Variants in HINT3 observed in about 807,000 individuals in gnomAD.
The protein encoded by HINT3 is adenosine 5'-monophosphoramidase HINT3.
In HINT3, 16 loss-of-function variants were observed where a neutral mutation model predicts 19.1. The ratio of observed to expected loss-of-function variants is 0.84; its 90% confidence interval spans 0.57 to 1.27. The LOEUF is 1.27. HINT3 is among the 50% of genes most tolerant of loss of function. The pLI, the probability that HINT3 is intolerant of heterozygous loss-of-function variation, is 0.00. For missense variants in HINT3, 197 were observed against 225.8 expected, an observed-to-expected ratio of 0.87 and a Z score of 0.82; for synonymous variants, 75 against 84.8, an observed-to-expected ratio of 0.88 and a Z score of 0.63.
At chr6:125,966,774 G>A in intron 1 of HINT3, 113 bp from the exon 2 acceptor site, 3 of 647,062 alleles carry the variant, frequency 4.6e-6, no homozygotes, top group Non-Finnish European at 7.8e-6. Flanking sequence ...GGGGTTAGGT[G>A]TAACATAAGT....
At chr6:125,963,343 G>A (rs1297908427) in intron 1 of HINT3, among the ~76,000 whole-genome samples, 1 of 152,182 alleles carries the variant, frequency 6.6e-6, no homozygotes, top group African/African-American at 2.4e-5. Context: ...TTGCTAGATG[G>A]ATGATAACAG....
intron 1 of HINT3, among the ~76,000 whole-genome samples, chr6:125,960,149 GGA>G (rs1288368716): frequency 1.3e-5 from 2 of 152,200 alleles, no homozygotes; most frequent in African/African-American, 4.8e-5. Context: ...GTGAAGGCTA[GGA>G]GAGAGAATTA....
At chr6:125,976,994 A>T (rs562688821) in intron 4 of HINT3, among the ~76,000 whole-genome samples, 2 of 152,294 alleles carry the variant, frequency 1.3e-5, no homozygotes, top group East Asian at 3.9e-4. Flanking sequence ...CCACATGTAC[A>T]GTTTCCTCAC....
At chr6:125,957,268 C>A in intron 1 of HINT3, 90 bp downstream of exon 1, 1 of 1,328,714 alleles carries the variant, frequency 7.5e-7, no homozygotes, top group Non-Finnish European at 1.0e-6. Context: ...GGAGCGGGTG[C>A]AGAGGATCCC....
intron 4 of HINT3, 144 bp from the exon 5 acceptor site, chr6:125,977,500 T>C: frequency 2.4e-6 from 1 of 411,112 alleles, no homozygotes. Flanking sequence ...GATATTATAC[T>C]GAGTTTTTTT....
chr6:125,963,499 A>G (rs1788974346), intron 1 of HINT3, among the ~76,000 whole-genome samples: 1 of 152,146 alleles, frequency 6.6e-6, no homozygotes, highest in Non-Finnish European at 1.5e-5. Flanking sequence ...TTTCAGATTT[A>G]AAGAAATCTG....
At chr6:125,964,267 G>A (rs1056799640) in intron 1 of HINT3, among the ~76,000 whole-genome samples, 1 of 151,886 alleles carries the variant, frequency 6.6e-6, no homozygotes, top group Non-Finnish European at 1.5e-5. Flanking sequence ...TTATTTTTAG[G>A]GATTGCTTTT....
intron 3 of HINT3, among the ~76,000 whole-genome samples, chr6:125,972,813 C>T (rs1017052347): frequency 6.6e-6 from 1 of 152,130 alleles, no homozygotes; most frequent in Non-Finnish European, 1.5e-5. Flanking sequence ...TTGTCTCAAA[C>T]TCCTGGGCTC....
At chr6:125,959,624 C>G (rs1788889328) in intron 1 of HINT3, among the ~76,000 whole-genome samples, 2 of 152,148 alleles carry the variant, frequency 1.3e-5, no homozygotes, top group African/African-American at 2.4e-5. Context: ...GTGAAGACAG[C>G]AAATACAGAC....
At chr6:125,969,683 T>C (rs1789071660) in intron 2 of HINT3, among the ~76,000 whole-genome samples, 1 of 152,214 alleles carries the variant, frequency 6.6e-6, no homozygotes, top group African/African-American at 2.4e-5. Flanking sequence ...TTTATAGTTC[T>C]CCTCGTAGAG....
rs201909997 is a variant in HINT3, at chr6:125,960,856, T to C, written c.201+3678T>C. 4.6e-5 allele frequency among the ~76,000 whole-genome samples: 7 copies of C among 152,324 alleles called. No individual in the cohort carries two copies. The East Asian group carries it at 1.3e-3, about 29-fold the overall frequency. Reference sequence around the variant, plus strand: ...CCTAGTTCTGCCTCTTCAGTCTCCCTTTATTTTACTAAATATAAAAGTAGG... The same window carrying C: ...CCTAGTTCTGCCTCTTCAGTCTCCCCTTATTTTACTAAATATAAAAGTAGG... On this transcript the variant is annotated intron_variant, in intron 1 of 4. Transcript: ENST00000229633.
Position 125,956,831 on chromosome 6 carries a change from TC to T in HINT3, c.-144del. 1.2e-6 allele frequency: 1 copy of T among 845,040 alleles called. No individual in the cohort carries two copies. The highest frequency in any genetic ancestry group is 2.9e-5 in the Admixed American group (1 of 34,878). The allele number at this position is 845,040 out of a possible 1,614,324, so 52.3% of individuals were successfully genotyped here. On this transcript the variant is annotated 5_prime_UTR_variant, in exon 1 of 5. Transcript: ENST00000229633. ...TTTGAAGTTCCTCACCGCGTCTCCT[TC>T]CCTCTCCCCAAAGCCTGGATCACCG...
intron 4 of HINT3, 47 bp from the exon 5 acceptor site, chr6:125,977,597 T>G: frequency 1.0e-6 from 1 of 988,312 alleles, no homozygotes; most frequent in Non-Finnish European, 1.5e-6. Flanking sequence ...AATTATTTGA[T>G]AGAGACTATG....
At chr6:125,964,225 C>T (rs993605101) in intron 1 of HINT3, among the ~76,000 whole-genome samples, 3 of 152,202 alleles carry the variant, frequency 2.0e-5, no homozygotes, top group African/African-American at 4.8e-5. Context: ...ATGCTACCAA[C>T]ATGACATCCA....
At position 125,957,194 on chromosome 6, in the gene HINT3, C is replaced by T. The variant is rs1288198147; in HGVS notation, c.201+16C>T. 1.1e-5 allele frequency: 17 copies of T among 1,539,002 alleles called. No individual in the cohort carries two copies. The highest frequency in any genetic ancestry group is 1.4e-5 in the Non-Finnish European group (16 of 1,140,856). On this transcript the variant is annotated intron_variant, in intron 1 of 4. Transcript: ENST00000229633. ...GCACTGCGAGGTGGGCGGCGACGCGCGGCCGGGGGTGGGTGAGGACCTGGC... is the reference window on the plus strand; with the variant it reads ...GCACTGCGAGGTGGGCGGCGACGCGTGGCCGGGGGTGGGTGAGGACCTGGC...
intron 1 of HINT3, among the ~76,000 whole-genome samples, chr6:125,960,671 A>AGGGGGTG (rs1562211533): frequency 1.1e-5 from 1 of 92,472 alleles, no homozygotes. Flanking sequence ...GGGGGAAAAA[A>AGGGGGTG]AAAGAAGTTA....
chr6:125,957,063 TG>T lies in HINT3; in HGVS notation c.90del (p.Thr31ProfsTer41). On this transcript the variant is annotated frameshift_variant, in exon 1 of 5. Transcript: ENST00000229633. LOFTEE classifies it high-confidence loss of function. ...ACTGCAGAAACTACGGTTTCCTCAG[TG>T]GGGACCTGTGAAGCCGCTGGCAAGT... is the stretch of plus-strand genomic sequence containing the variant. The part of the protein sequence containing the change: ...SATAETTVSS[V>X]GTCEAAGKSP... 2 of 1,550,796 alleles carry T rather than the reference TG, an allele frequency of 1.3e-6. No individual in the cohort carries two copies. Among genetic ancestry groups the T allele is most frequent in the Non-Finnish European group, 1.7e-6 (2 of 1,146,842 alleles).
intron 1 of HINT3, among the ~76,000 whole-genome samples, chr6:125,960,755 G>C (rs1562211560): frequency 6.7e-6 from 1 of 150,342 alleles, no homozygotes; most frequent in Non-Finnish European, 1.5e-5. Flanking sequence ...GACAGCACCT[G>C]ACAGGGAGAA....
chr6:125,964,931 A>G (rs1233554729), intron 1 of HINT3, among the ~76,000 whole-genome samples: 1 of 152,170 alleles, frequency 6.6e-6, no homozygotes, highest in East Asian at 1.9e-4. Flanking sequence ...TGGAAATCTA[A>G]TTTAGTCAGG....
Sources: allele counts gnomAD v4.1 joint callset (sites outside exome capture counted in the v4.1 genomes callset), GRCh38; gene constraint gnomAD v4.1.1; transcripts MANE v1.5; gene names NCBI Gene and HGNC (gene_info 2026-07-23, HGNC 2026-07-21).